The following PTPN3 variants were observed in gnomAD, a reference collection of about 807,000 sequenced individuals.
PTPN3 encodes the protein tyrosine-protein phosphatase non-receptor type 3.
Under a neutral mutation model 132.7 loss-of-function variants are expected in PTPN3, and 96 were observed. The ratio of observed to expected loss-of-function variants is 0.72; its 90% confidence interval spans 0.61 to 0.86. PTPN3 has a LOEUF of 0.86. Ranked by LOEUF, PTPN3 falls within the 40% of genes least tolerant of loss-of-function variation. The pLI, the probability that PTPN3 is intolerant of heterozygous loss-of-function variation, is 0.00. For missense variants in PTPN3, 1,125 were observed against 1,159.6 expected, an observed-to-expected ratio of 0.97 and a Z score of 0.43; for synonymous variants, 398 against 429.0, an observed-to-expected ratio of 0.93 and a Z score of 0.89.
the PTPN3 span, among the ~76,000 whole-genome samples, chr9:109,505,559 G>A: frequency 5.9e-5 from 9 of 152,042 alleles, no homozygotes; most frequent in Middle Eastern, 3.4e-3. Flanking sequence ...GATTACAGGC[G>A]TGAGCCACTG....
intron 1 of PTPN3, among the ~76,000 whole-genome samples, chr9:109,465,925 T>C (rs1439416554): frequency 6.6e-6 from 1 of 152,068 alleles, no homozygotes; most frequent in Non-Finnish European, 1.5e-5. Flanking sequence ...CAAAGCTCTT[T>C]CTGCTCCTCT....
At position 109,417,980 on chromosome 9, in the gene PTPN3, G is replaced by A. The variant is rs114859242; in HGVS notation, c.1313+2444C>T. ...TACATCAAACAGTGCTTGAAGGAGTGAATTTTAAATCTTATTTAATTTTAA... is the reference window on the plus strand; with the variant it reads ...TACATCAAACAGTGCTTGAAGGAGTAAATTTTAAATCTTATTTAATTTTAA... On this transcript the variant is annotated intron_variant, in intron 14 of 25. Transcript: ENST00000374541. Among the ~76,000 whole-genome samples, 218 of 152,318 alleles carry A rather than the reference G, an allele frequency of 1.4e-3. 2 individuals carry two copies. Among genetic ancestry groups the A allele is most frequent in the African/African-American group, 4.9e-3 (205 of 41,572 alleles).
At chr9:109,530,899 A>G in the PTPN3 span, among the ~76,000 whole-genome samples, 2 of 152,062 alleles carry the variant, frequency 1.3e-5, no homozygotes, top group South Asian at 2.1e-4. Flanking sequence ...TACTTTGCCT[A>G]TTTTTGAATT....
intron 18 of PTPN3, among the ~76,000 whole-genome samples, chr9:109,406,167 T>C (rs1054608503): frequency 2.0e-5 from 3 of 152,152 alleles, no homozygotes; most frequent in Non-Finnish European, 4.4e-5. Context: ...GAGTGCGTGA[T>C]GTGGGCTGCG....
At chr9:109,505,483 T>C in the PTPN3 span, among the ~76,000 whole-genome samples, 2 of 152,192 alleles carry the variant, frequency 1.3e-5, no homozygotes, top group Non-Finnish European at 2.9e-5. Flanking sequence ...CTTGCTATTT[T>C]GGCCAGGCTG....
rs780040512 is a variant in PTPN3 at position 109,381,742 on chromosome 9, G to A, written c.2574C>T (p.Ala858=). 1 of 1,614,190 alleles carries A rather than the reference G, an allele frequency of 6.2e-7. No individual in the cohort carries two copies. The highest frequency in any genetic ancestry group is 8.5e-7 in the Non-Finnish European group (1 of 1,179,994). Residue 858 remains alanine (A), a synonymous_variant, in exon 25 of 26, where the codon GCC becomes GCT. Transcript: ENST00000374541. ...RTGVLVTMET[A]MCLTERNLPI... is the part of the protein sequence containing the mutation. Reference sequence around the variant, plus strand: ...GCAGGTTCCTCTCAGTTAGGCACATGGCTGTTTCCATAGTGACCAACACAC... The same window carrying A: ...GCAGGTTCCTCTCAGTTAGGCACATAGCTGTTTCCATAGTGACCAACACAC...
intron 5 of PTPN3, chr9:109,449,069 T>A: frequency 7.3e-7 from 1 of 1,373,114 alleles, no homozygotes; most frequent in Non-Finnish European, 9.4e-7. Context: ...TCTTGACTGG[T>A]GGGGGCAATT....
intron 14 of PTPN3, among the ~76,000 whole-genome samples, chr9:109,410,840 G>GAC (rs1441629059): frequency 6.6e-6 from 1 of 152,174 alleles, no homozygotes; most frequent in African/African-American, 2.4e-5. Context: ...TGCTTCATAG[G>GAC]ACTCTTGCCT....
At chr9:109,428,400 A>C (rs137855786) in intron 11 of PTPN3, among the ~76,000 whole-genome samples, 1 of 152,348 alleles carries the variant, frequency 6.6e-6, no homozygotes, top group African/African-American at 2.4e-5. Flanking sequence ...TCCCTGATAC[A>C]TACATAGCAA....
In PTPN3 at chr9:109,448,875, A is replaced by G; in HGVS notation, c.369-20T>C. Reference sequence around the variant, plus strand: ...AAGTGCCTATGAAACAATTGTTTTCATTAATTCATACTCAAACTGAAATAA... The same window carrying G: ...AAGTGCCTATGAAACAATTGTTTTCGTTAATTCATACTCAAACTGAAATAA... On this transcript the variant is annotated intron_variant, in intron 5 of 25. Transcript: ENST00000374541. 1.3e-6 allele frequency: 2 copies of G among 1,570,868 alleles called. No homozygotes were observed. Among genetic ancestry groups the G allele is most frequent in the Non-Finnish European group, 1.7e-6 (2 of 1,163,500 alleles).
rs114411564 is a variant in PTPN3 at position 109,491,934 on chromosome 9, G to A, written c.-18+6285C>T. 6.7e-3 allele frequency among the ~76,000 whole-genome samples: 1,021 copies of A among 152,300 alleles called. 11 individuals carry two copies. Among genetic ancestry groups the A allele is most frequent in the African/African-American group, 0.022 (934 of 41,568 alleles). On this transcript the variant is annotated intron_variant, in intron 1 of 25. Coordinates refer to ENST00000374541, the MANE Select transcript of PTPN3 (RefSeq NM_002829.4). ...ATAGGAGTGTATGGAAGACTCCCCC[G>A]TCTGTGGAGTAGAGAATCCACTGGA...
chr9:109,445,576 A>T (rs2131976519), intron 6 of PTPN3, among the ~76,000 whole-genome samples: 2 of 152,238 alleles, frequency 1.3e-5, no homozygotes, highest in Middle Eastern at 6.8e-3. Flanking sequence ...CTGCTCAAGA[A>T]GGGTCAGGCT....
chr9:109,438,109 C>A lies in PTPN3; in HGVS notation c.587+5G>T, dbSNP rs752679648. On this transcript the variant is annotated splice_donor_5th_base_variant and intron_variant, in intron 8 of 25. Transcript: ENST00000374541. ...CCCAAAGTAGGCCACCCCAGCCCCCCTCACCTGTGCTGCTCATGCAGAGAT... is the reference window on the plus strand; with the variant it reads ...CCCAAAGTAGGCCACCCCAGCCCCCATCACCTGTGCTGCTCATGCAGAGAT... 10 of 1,612,364 alleles carry A rather than the reference C, an allele frequency of 6.2e-6. No individual in the cohort carries two copies. In the African/African-American group the frequency reaches 8.0e-5, roughly 13 times the overall value.
chr9:109,519,613 G>A, the PTPN3 span, among the ~76,000 whole-genome samples: 6 of 152,180 alleles, frequency 3.9e-5, no homozygotes, highest in Non-Finnish European at 8.8e-5. Flanking sequence ...GGGACTTGAA[G>A]CCAAACAAAC....
chr9:109,384,122 G>A (rs1370254782), intron 22 of PTPN3, among the ~76,000 whole-genome samples: 1 of 152,166 alleles, frequency 6.6e-6, no homozygotes, highest in Non-Finnish European at 1.5e-5. Context: ...GATGGAGGTG[G>A]CTCCTGCCTC....
At chr9:109,523,785 A>G in the PTPN3 span, among the ~76,000 whole-genome samples, 1 of 42,834 alleles carries the variant, frequency 2.3e-5, no homozygotes, top group African/African-American at 1.1e-4. Flanking sequence ...AGACAAACAC[A>G]CACATAGTGT....
chr9:109,427,230 A>G (rs1230723388), intron 11 of PTPN3, 108 bp from the exon 12 acceptor site: 4 of 1,258,300 alleles, frequency 3.2e-6, no homozygotes, highest in Non-Finnish European at 4.4e-6. Context: ...AGACAGCAGA[A>G]AACTGGTTTC....
intron 1 of PTPN3, among the ~76,000 whole-genome samples, chr9:109,485,749 G>C (rs959237311): frequency 6.6e-6 from 1 of 152,086 alleles, no homozygotes; most frequent in African/African-American, 2.4e-5. Context: ...GAGTACGGGA[G>C]AGCCTCTGTC....
At chr9:109,500,025 C>T (rs1466468776), upstream of PTPN3, among the ~76,000 whole-genome samples, 2 of 152,250 alleles carry the variant, frequency 1.3e-5, no homozygotes, top group African/African-American at 4.8e-5. Context: ...CAGAGCTCCA[C>T]CCAGCGCCCC....
Sources: allele counts gnomAD v4.1 joint callset (sites outside exome capture counted in the v4.1 genomes callset), GRCh38; gene constraint gnomAD v4.1.1; transcripts MANE v1.5; gene names NCBI Gene and HGNC (gene_info 2026-07-23, HGNC 2026-07-21).